The following STX3 variants were observed in gnomAD, a reference collection of about 807,000 sequenced individuals.
The protein encoded by STX3 is syntaxin 3.
In STX3, 19 loss-of-function variants were observed where a neutral mutation model predicts 40.2. That is an observed-to-expected ratio of 0.47 (90% confidence interval 0.33 to 0.69). The LOEUF is 0.69. Among genes scored for constraint, STX3 ranks in the 30% least tolerant of loss-of-function variants. STX3 has a pLI of 0.02. For missense variants in STX3, 364 were observed against 366.7 expected (o/e 0.99, Z 0.06); for synonymous variants, 122 against 132.2 (o/e 0.92, Z 0.53).
chr11:59,789,142 G>C (rs1361259080), intron 4 of STX3, 195 bp downstream of exon 4: 5 of 474,230 alleles, frequency 1.1e-5, no homozygotes, highest in African/African-American at 2.0e-5. Flanking sequence ...AATCCTGACT[G>C]TACTGGAAAG....
chr11:59,797,030 G>C (rs1447915540), intron 9 of STX3, among the ~76,000 whole-genome samples: 1 of 152,180 alleles, frequency 6.6e-6, no homozygotes, highest in Admixed American at 6.5e-5. Context: ...AGGATCACTT[G>C]AGCCCAGGAG....
At chr11:59,773,460 T>G (rs181711525) in intron 2 of STX3, among the ~76,000 whole-genome samples, 166 bp downstream of exon 2, 1 of 152,326 alleles carries the variant, frequency 6.6e-6, no homozygotes, top group East Asian at 1.9e-4. Flanking sequence ...TTTTCAATAT[T>G]TACTTGAATC....
upstream of STX3, chr11:59,754,689 C>A (rs1255805622): frequency 6.6e-6 from 1 of 152,186 alleles, no homozygotes; most frequent in Non-Finnish European, 1.5e-5. Context: ...AAGTGGGTAC[C>A]ATCTCTGATT....
At chr11:59,762,204 A>G (rs980488636) in intron 1 of STX3, among the ~76,000 whole-genome samples, 4 of 152,166 alleles carry the variant, frequency 2.6e-5, no homozygotes, top group Non-Finnish European at 5.9e-5. Context: ...CTGGAAGCAC[A>G]TTTCCTGTGG....
rs1360634225 is a variant in STX3 at position 59,764,877 on chromosome 11, C to T, written c.31-8334C>T. Among the ~76,000 whole-genome samples, 9 of 141,832 alleles carry T rather than the reference C, an allele frequency of 6.3e-5. No individual in the cohort carries two copies. In the East Asian group the frequency reaches 1.9e-3, roughly 30 times the overall value. 93.0% of individuals were successfully genotyped at this position (141,832 alleles called of 152,430 possible). ...AAGTGCCTGCAACAACACACACACA[C>T]ATTATCTATTATTATTATTATTATT... On this transcript the variant is annotated intron_variant, in intron 1 of 10. Transcript: ENST00000337979.
In STX3 at chr11:59,800,939, G is replaced by A. The variant is rs988511772; in HGVS notation, c.*115G>A. ...GAATGGCCTTCCTGAGAGCGAGTGC[G>A]ACCCGTTCCTTTGTTTCCTTGCAAC... is the stretch of plus-strand genomic sequence containing the variant. On this transcript the variant is annotated 3_prime_UTR_variant, in exon 11 of 11. Transcript: ENST00000337979. The A allele has an allele frequency of 4.6e-5, 70 of 1,535,968 alleles. No homozygotes were observed. The highest frequency in any genetic ancestry group is 7.3e-5 in the East Asian group (3 of 40,904).
At chr11:59,764,170 G>T (rs1207183021) in intron 1 of STX3, among the ~76,000 whole-genome samples, 1 of 152,192 alleles carries the variant, frequency 6.6e-6, no homozygotes, top group African/African-American at 2.4e-5. Context: ...AAATGCCAAT[G>T]AATACATGAA....
intron 10 of STX3, chr11:59,799,981 G>A: frequency 1.0e-6 from 1 of 985,394 alleles, no homozygotes; most frequent in Non-Finnish European, 1.2e-6. Flanking sequence ...GATGAAAGAT[G>A]ATATGCAAAT....
rs567313662 is a variant in STX3, at chr11:59,782,838, C to CA, written c.115-4185dup. Among the ~76,000 whole-genome samples, 1,010 of 105,090 alleles carry CA rather than the reference C, an allele frequency of 9.6e-3. 10 individuals are homozygous for CA. Among genetic ancestry groups the CA allele is most frequent in the African/African-American group, 0.03 (856 of 28,540 alleles). The allele number at this position is 105,090 out of a possible 152,430, so 68.9% of individuals were successfully genotyped here. A position where few individuals can be genotyped will look rare whatever the true frequency, so the allele number is the denominator to read the frequency against. On this transcript the variant is annotated intron_variant, in intron 2 of 10. Coordinates refer to ENST00000337979, the MANE Select transcript of STX3 (RefSeq NM_004177.5). ...TGAAACCTTGTCTCTACTAAAAATA[C>CA]AAAAAAAAAAAAAAGGTTGGTGTGG...
At chr11:59,755,974 A>G (rs1397097777) in intron 1 of STX3, among the ~76,000 whole-genome samples, 1 of 152,148 alleles carries the variant, frequency 6.6e-6, no homozygotes, top group African/African-American at 2.4e-5. Flanking sequence ...GCCTGGCACT[A>G]TGCCCAGGAC....
chr11:59,757,941 G>A (rs1862814306), intron 1 of STX3, among the ~76,000 whole-genome samples: 1 of 152,132 alleles, frequency 6.6e-6, no homozygotes, highest in Admixed American at 6.5e-5. Context: ...CAAGATATGC[G>A]TCTTCTCCCT....
intron 1 of STX3, among the ~76,000 whole-genome samples, chr11:59,770,641 G>A (rs1166360137): frequency 6.6e-6 from 1 of 152,110 alleles, no homozygotes; most frequent in Non-Finnish European, 1.5e-5. Context: ...AAAACTGGTG[G>A]TGAATCCTGG....
chr11:59,793,224 C>G, intron 7 of STX3, 52 bp downstream of exon 7: 1 of 1,608,070 alleles, frequency 6.2e-7, no homozygotes, highest in Non-Finnish European at 8.5e-7. Context: ...GCAGGGAGGC[C>G]ACTGCGGAGC....
intron 2 of STX3, among the ~76,000 whole-genome samples, chr11:59,784,662 C>A (rs2134982589): frequency 6.6e-6 from 1 of 152,278 alleles, no homozygotes; most frequent in Non-Finnish European, 1.5e-5. Context: ...AAAAAGAGAG[C>A]TTGTGCAGGG....
chr11:59,788,595 C>T (rs1459407033), intron 3 of STX3, among the ~76,000 whole-genome samples: 1 of 152,140 alleles, frequency 6.6e-6, no homozygotes. Context: ...ATTTTATGTG[C>T]TGCAGGATTA....
In STX3 at chr11:59,801,818, A is replaced by G; in HGVS notation, c.*994A>G. 1.0e-6 allele frequency: 1 copy of G among 985,156 alleles called. No individual in the cohort carries two copies. Among genetic ancestry groups the G allele is most frequent in the Non-Finnish European group, 1.2e-6 (1 of 829,778 alleles). The allele number at this position is 985,156 out of a possible 1,614,324, so 61.0% of individuals were successfully genotyped here. On this transcript the variant is annotated 3_prime_UTR_variant, in exon 11 of 11. Transcript: ENST00000337979. ...GGAAATAAAAATGGAAGCTATTATG[A>G]CCTCAAAAAAAAAAAGCCAACTTTG...
At chr11:59,769,320 G>A (rs534938890) in intron 1 of STX3, among the ~76,000 whole-genome samples, 2 of 152,264 alleles carry the variant, frequency 1.3e-5, no homozygotes, top group South Asian at 4.1e-4. Flanking sequence ...TGACTCACAG[G>A]GGATTCTGCT....
intron 4 of STX3, 155 bp downstream of exon 4, chr11:59,789,102 A>C: frequency 1.7e-6 from 1 of 598,148 alleles, no homozygotes; most frequent in Non-Finnish European, 2.9e-6. Flanking sequence ...GCAATGATCC[A>C]TTGTAGCCCC....
intron 1 of STX3, among the ~76,000 whole-genome samples, chr11:59,771,142 C>G (rs1374821926): frequency 2.1e-5 from 3 of 140,918 alleles, no homozygotes; most frequent in Non-Finnish European, 3.0e-5. Flanking sequence ...GTATCCACTT[C>G]GGCTGGGTGC....
Sources: gnomAD v4.1 joint callset for allele counts (sites outside exome capture counted in the v4.1 genomes callset) on GRCh38, gnomAD v4.1.1 for gene constraint, MANE v1.5 for transcripts, NCBI Gene and HGNC (gene_info 2026-07-23, HGNC 2026-07-21) for gene names.